CLDN16: variants seen among roughly 807,000 people sequenced by gnomAD.
CLDN16 encodes claudin-16.
Under a neutral mutation model 24.6 loss-of-function variants are expected in CLDN16, and 13 were observed. That is an observed-to-expected ratio of 0.53 (90% CI 0.34 to 0.84). The LOEUF (loss-of-function observed/expected upper bound fraction) is 0.84. CLDN16 is among the 40% of genes least tolerant of loss of function. The probability of loss-of-function intolerance (pLI) is 0.01; values close to 1 mark genes in which losing one functional copy is unlikely to be tolerated. For missense variants in CLDN16, 298 were observed against 292.7 expected (o/e 1.02, Z -0.13); for synonymous variants, 116 against 106.7 (o/e 1.09, Z -0.54).
intron 1 of CLDN16, among the ~76,000 whole-genome samples, chr3:190,363,291 T>C (rs1263582537): frequency 1.3e-5 from 2 of 151,686 alleles, no homozygotes; most frequent in African/African-American, 4.8e-5. Flanking sequence ...TTCTAGCTGG[T>C]TGTTTTTCTA....
chr3:190,392,352 T>A (rs1718701638), intron 1 of CLDN16, among the ~76,000 whole-genome samples: 1 of 152,136 alleles, frequency 6.6e-6, no homozygotes, highest in African/African-American at 2.4e-5. Context: ...TTTTTCTTTC[T>A]TTCTCTTTCT....
the CLDN16 span, among the ~76,000 whole-genome samples, chr3:190,290,888 A>G: frequency 1.3e-5 from 2 of 152,244 alleles, no homozygotes. Context: ...AAAAAATTCT[A>G]CATATCTGTG....
At chr3:190,343,444 T>C (rs556516193) in intron 1 of CLDN16, among the ~76,000 whole-genome samples, 1 of 152,288 alleles carries the variant, frequency 6.6e-6, no homozygotes, top group Admixed American at 6.5e-5. Context: ...GCAATATCTC[T>C]TTTGGGTATA....
At chr3:190,401,861 A>G (rs1718970129) in intron 1 of CLDN16, among the ~76,000 whole-genome samples, 1 of 152,028 alleles carries the variant, frequency 6.6e-6, no homozygotes, top group Non-Finnish European at 1.5e-5. Context: ...ATATAAAGAT[A>G]ATATTTTTCT....
At chr3:190,379,204 A>G (rs1407299607) in intron 3 of CLDN16, among the ~76,000 whole-genome samples, 1 of 152,066 alleles carries the variant, frequency 6.6e-6, no homozygotes, top group Non-Finnish European at 1.5e-5. Context: ...TCTGAAGTGT[A>G]CCTTGGACTG....
chr3:190,395,800 C>CA (rs1205155924), intron 1 of CLDN16, among the ~76,000 whole-genome samples: 1 of 151,730 alleles, frequency 6.6e-6, no homozygotes, highest in African/African-American at 2.4e-5. Flanking sequence ...TGCATATTGA[C>CA]AAAAAATAAT....
At chr3:190,333,531 C>CATCTATCT (rs71947568) in intron 1 of CLDN16, among the ~76,000 whole-genome samples, 1 of 143,566 alleles carries the variant, frequency 7.0e-6, no homozygotes, top group African/African-American at 2.6e-5. Context: ...ATCAGTCTAT[C>CATCTATCT]ATCTATCTAT....
rs1719294287 is a variant in CLDN16 at position 190,411,861 on chromosome 3, T to A, written c.*1825T>A. 1 of 152,182 alleles carries A rather than the reference T, an allele frequency of 6.6e-6. No individual in the cohort carries two copies. Among genetic ancestry groups the A allele is most frequent in the African/African-American group, 2.4e-5 (1 of 41,474 alleles). The allele number at this position is 152,182 out of a possible 1,614,324, so 9.4% of individuals were successfully genotyped here. A position where few individuals can be genotyped will look rare whatever the true frequency, so the allele number is the denominator to read the frequency against. On this transcript the variant is annotated 3_prime_UTR_variant, in exon 5 of 5. Coordinates refer to ENST00000264734, the MANE Select transcript of CLDN16 (RefSeq NM_006580.4). ...GATCATTGTTCTATGCATTTTAAAA[T>A]TAATTTTGTGTTGTTCCTCTCAATA... is the stretch of plus-strand genomic sequence containing the variant.
intron 3 of CLDN16, among the ~76,000 whole-genome samples, chr3:190,378,736 A>G (rs1460320001): frequency 6.6e-6 from 1 of 151,960 alleles, no homozygotes; most frequent in East Asian, 1.9e-4. Flanking sequence ...GAGGACTTCC[A>G]TCTCCCTGAC....
chr3:190,371,446 G>C (rs1454266707), intron 2 of CLDN16, among the ~76,000 whole-genome samples: 2 of 151,814 alleles, frequency 1.3e-5, no homozygotes, highest in African/African-American at 4.8e-5. Context: ...CAGGATATAG[G>C]AACAAGTGCA....
At chr3:190,321,372 T>A (rs1222182361), upstream of CLDN16, among the ~76,000 whole-genome samples, 1 of 152,136 alleles carries the variant, frequency 6.6e-6, no homozygotes, top group African/African-American at 2.4e-5. Flanking sequence ...TCAAGCAGCT[T>A]CTCCAAAGAG....
chr3:190,341,869 C>T (rs1211262455), intron 1 of CLDN16, among the ~76,000 whole-genome samples: 1 of 152,152 alleles, frequency 6.6e-6, no homozygotes, highest in Non-Finnish European at 1.5e-5. Flanking sequence ...TCATCTCTCT[C>T]AAGTTCAAAG....
the CLDN16 span, among the ~76,000 whole-genome samples, chr3:190,295,454 T>C: frequency 6.6e-6 from 1 of 152,160 alleles, no homozygotes; most frequent in Non-Finnish European, 1.5e-5. Context: ...GGAGTTGGAC[T>C]CCCTCACAGT....
chr3:190,336,209 G>A (rs2108626410), intron 1 of CLDN16, among the ~76,000 whole-genome samples: 1 of 152,300 alleles, frequency 6.6e-6, no homozygotes, highest in East Asian at 1.9e-4. Flanking sequence ...CAGCTTGGGA[G>A]CATGTTGAGC....
intron 1 of CLDN16, among the ~76,000 whole-genome samples, chr3:190,329,615 G>A (rs2108622083): frequency 6.6e-6 from 1 of 152,264 alleles, no homozygotes; most frequent in African/African-American, 2.4e-5. Flanking sequence ...ATAAGACTTG[G>A]AACCAGGAAG....
chr3:190,298,744 T>C, the CLDN16 span, among the ~76,000 whole-genome samples: 3 of 152,182 alleles, frequency 2.0e-5, no homozygotes, highest in Non-Finnish European at 2.9e-5. Flanking sequence ...CTTTTTTCAC[T>C]CAAAATTGTT....
chr3:190,319,779 CTG>C (rs1323614897), upstream of CLDN16, among the ~76,000 whole-genome samples: 1 of 152,138 alleles, frequency 6.6e-6, no homozygotes, highest in Non-Finnish European at 1.5e-5. Flanking sequence ...TGTAACAAAA[CTG>C]TACCAAAACC....
At chr3:190,343,155 A>G (rs1407504608) in intron 1 of CLDN16, among the ~76,000 whole-genome samples, 1 of 152,180 alleles carries the variant, frequency 6.6e-6, no homozygotes, top group Non-Finnish European at 1.5e-5. Flanking sequence ...AAGGACTGAA[A>G]TACGTATTTC....
At chr3:190,292,201 G>A in the CLDN16 span, among the ~76,000 whole-genome samples, 1 of 152,190 alleles carries the variant, frequency 6.6e-6, no homozygotes, top group Admixed American at 6.5e-5. Context: ...TGGACATCCA[G>A]GCATTTTCAT....
Sources: allele counts gnomAD v4.1 joint callset (sites outside exome capture counted in the v4.1 genomes callset), GRCh38; gene constraint gnomAD v4.1.1; transcripts MANE v1.5; gene names NCBI Gene and HGNC (gene_info 2026-07-23, HGNC 2026-07-21).